NLN: variants seen among roughly 807,000 people sequenced by gnomAD.
The protein encoded by NLN is neurolysin, mitochondrial.
In NLN, 64 loss-of-function variants were observed where a neutral mutation model predicts 79.9. The observed-to-expected ratio is 0.80, with a 90% CI of 0.65 to 0.99. The LOEUF is 0.99. Among genes scored for constraint, NLN ranks in the 50% least tolerant of loss-of-function variants. The pLI is 0.00. For synonymous variants in NLN, 267 were observed against 296.6 expected, an observed-to-expected ratio of 0.90 and a Z score of 1.02; for missense variants, 835 against 858.7, an observed-to-expected ratio of 0.97 and a Z score of 0.34.
At chr5:65,741,078 G>T (rs1365389106) in intron 1 of NLN, 1 of 152,292 alleles carries the variant, frequency 6.6e-6, no homozygotes, top group Non-Finnish European at 1.5e-5. Context: ...TCACCAGTTG[G>T]CCAGGTTGGT....
intron 9 of NLN, chr5:65,809,298 A>ATTT (rs1760488964): frequency 2.5e-6 from 1 of 404,178 alleles, no homozygotes; most frequent in Non-Finnish European, 4.4e-6. Context: ...CAAAGGAATG[A>ATTT]AATTACTACT....
At chr5:65,732,102 TTATC>T (rs1183174430) in intron 1 of NLN, among the ~76,000 whole-genome samples, 4 of 152,194 alleles carry the variant, frequency 2.6e-5, no homozygotes, top group Non-Finnish European at 5.9e-5. Context: ...CTTAAACCCT[TTATC>T]TATCATGAGG....
chr5:65,753,403 C>T (rs1336861786), intron 1 of NLN, among the ~76,000 whole-genome samples: 1 of 152,098 alleles, frequency 6.6e-6, no homozygotes, highest in African/African-American at 2.4e-5. Context: ...AATCTCAACA[C>T]ATTGGAAGGC....
intron 4 of NLN, among the ~76,000 whole-genome samples, chr5:65,779,442 A>G (rs1477357853): frequency 1.3e-5 from 2 of 152,028 alleles, no homozygotes; most frequent in South Asian, 2.1e-4. Context: ...CTTAGAGTCT[A>G]TAAATCATCT....
chr5:65,733,627 A>G lies in NLN; in HGVS notation c.41+11213A>G, dbSNP rs576853863. The G allele has an allele frequency of 3.1e-5, 46 of 1,491,966 alleles. 6 individuals are homozygous for G. In the South Asian group the frequency reaches 5.0e-4, roughly 16 times the overall value. The allele number at this position is 1,491,966 out of a possible 1,614,324, so 92.4% of individuals were successfully genotyped here. ...CCTTCCTGTGGCTCATGGCCATCTG[A>G]GAAAGTGGACCTCCATCTTTGCTCT... On this transcript the variant is annotated intron_variant, in intron 1 of 12. Coordinates refer to ENST00000380985, the MANE Select transcript of NLN (RefSeq NM_020726.5).
intron 3 of NLN, among the ~76,000 whole-genome samples, chr5:65,766,810 T>A (rs985636854): frequency 6.6e-6 from 1 of 152,162 alleles, no homozygotes; most frequent in African/African-American, 2.4e-5. Context: ...ATGTTCACAT[T>A]CCAAATGGGA....
At chr5:65,784,595 T>A (rs1253285918) in intron 6 of NLN, among the ~76,000 whole-genome samples, 1 of 152,202 alleles carries the variant, frequency 6.6e-6, no homozygotes, top group Non-Finnish European at 1.5e-5. Context: ...AGCCCTTTTA[T>A]AAGGCACTAA....
chr5:65,824,186 GTT>G lies in NLN; in HGVS notation c.*1272_*1273del, dbSNP rs1436439876. On this transcript the variant is annotated 3_prime_UTR_variant, in exon 13 of 13. Transcript: ENST00000380985. ...TGAATTCCCCTGCCTAGGTCTTCCA[GTT>G]GTTTTCCAGCGCATACCTCAGGTAT... 7 of 152,070 alleles carry G rather than the reference GTT, an allele frequency of 4.6e-5. No individual in the cohort carries two copies. In the East Asian group the frequency reaches 1.3e-3, roughly 29 times the overall value. 9.4% of individuals were successfully genotyped at this position (152,070 alleles called of 1,614,324 possible). A position where few individuals can be genotyped will look rare whatever the true frequency, so the allele number is the denominator to read the frequency against.
Position 65,810,025 on chromosome 5 carries a change from T to C in NLN, c.1715-12T>C. 6.2e-7 allele frequency: 1 copy of C among 1,613,092 alleles called. No individual in the cohort carries two copies. The highest frequency in any genetic ancestry group is 8.5e-7 in the Non-Finnish European group (1 of 1,179,572). ...TTCTTCAAAACATGCCCAAACATTC[T>C]TATGTTATTAGGTCTTCTGACCCTG... is the stretch of plus-strand genomic sequence containing the variant. On this transcript the variant is annotated splice_polypyrimidine_tract_variant and intron_variant, in intron 10 of 12. Transcript: ENST00000380985.
chr5:65,760,705 A>C (rs2150747154), intron 2 of NLN, among the ~76,000 whole-genome samples: 1 of 152,170 alleles, frequency 6.6e-6, no homozygotes, highest in Middle Eastern at 3.4e-3. Flanking sequence ...TGGAGATGGG[A>C]TCTCACTATG....
chr5:65,769,696 C>T (rs1354159062), intron 3 of NLN, among the ~76,000 whole-genome samples: 1 of 152,208 alleles, frequency 6.6e-6, no homozygotes, highest in African/African-American at 2.4e-5. Context: ...CAATATGACT[C>T]ATATAACCTT....
chr5:65,792,639 A>G lies in NLN; in HGVS notation c.1511A>G (p.His504Arg). The G allele has an allele frequency of 6.2e-7, 1 of 1,613,300 alleles. No individual in the cohort carries two copies. The highest frequency in any genetic ancestry group is 8.5e-7 in the Non-Finnish European group (1 of 1,179,576). Residue 504 changes from histidine to arginine, a missense_variant, in exon 9 of 13, where the codon CAT becomes CGT. His to Arg is a conservative substitution (Grantham distance 29). Coordinates refer to ENST00000380985, the MANE Select transcript of NLN (RefSeq NM_020726.5). ...TTTCATGAGTTTGGTCACGTGATGC[A>G]TCAGATTTGTGCACAGGTGAGTTTT... The part of the protein sequence containing the change: ...TYFHEFGHVM[H>R]QICAQTDFAR...
intron 1 of NLN, among the ~76,000 whole-genome samples, chr5:65,750,211 C>T (rs1759074103): frequency 6.6e-6 from 1 of 152,250 alleles, no homozygotes; most frequent in African/African-American, 2.4e-5. Context: ...CATTCTCTAT[C>T]TGTGCTGTCT....
chr5:65,804,851 G>A (rs2150771310), intron 9 of NLN, among the ~76,000 whole-genome samples: 1 of 152,162 alleles, frequency 6.6e-6, no homozygotes, highest in South Asian at 2.1e-4. Flanking sequence ...TTGTTATTGT[G>A]TCTGTTATGG....
chr5:65,779,638 C>T (rs1453811624), intron 4 of NLN, among the ~76,000 whole-genome samples: 1 of 152,214 alleles, frequency 6.6e-6, no homozygotes, highest in Non-Finnish European at 1.5e-5. Context: ...TATTCATTCA[C>T]TCAGAAACTA....
At chr5:65,757,500 C>T (rs982583898) in intron 1 of NLN, among the ~76,000 whole-genome samples, 2 of 152,260 alleles carry the variant, frequency 1.3e-5, no homozygotes, top group East Asian at 3.9e-4. Context: ...GAGTGAGTTA[C>T]TACATGGGAA....
intron 1 of NLN, among the ~76,000 whole-genome samples, chr5:65,750,065 C>T (rs796274067): frequency 1.5e-4 from 23 of 152,172 alleles, no homozygotes; most frequent in East Asian, 7.7e-4. Context: ...ACCTAGTTTG[C>T]GAGTGGAAAG....
chr5:65,786,078 C>G, intron 7 of NLN, 168 bp downstream of exon 7: 4 of 524,904 alleles, frequency 7.6e-6, no homozygotes, highest in Non-Finnish European at 9.7e-6. Flanking sequence ...GTAGGGACTG[C>G]TTATTGTTTA....
intron 1 of NLN, among the ~76,000 whole-genome samples, chr5:65,750,671 G>A (rs960289026): frequency 6.6e-6 from 1 of 151,984 alleles, no homozygotes; most frequent in Non-Finnish European, 1.5e-5. Flanking sequence ...AGCTATGACT[G>A]TACCACTGCA....
Sources: gnomAD v4.1 joint callset for allele counts (sites outside exome capture counted in the v4.1 genomes callset) on GRCh38, gnomAD v4.1.1 for gene constraint, MANE v1.5 for transcripts, NCBI Gene and HGNC (gene_info 2026-07-23, HGNC 2026-07-21) for gene names.